Variants in KLF12 observed in about 807,000 individuals in gnomAD.
The protein encoded by KLF12 is Krueppel-like factor 12.
A neutral mutation model predicts 37.8 loss-of-function variants in KLF12; 9 were observed. The observed-to-expected ratio is 0.24, with a 90% CI of 0.14 to 0.42. KLF12 has a LOEUF of 0.42. Among genes scored for constraint, KLF12 ranks in the 10% least tolerant of loss-of-function variants. The probability of loss-of-function intolerance (pLI) is 1.00; values close to 1 mark genes in which losing one functional copy is unlikely to be tolerated. For synonymous variants in KLF12, 208 were observed against 202.1 expected (o/e 1.03, Z -0.25); for missense variants, 411 against 516.0 (o/e 0.80, Z 1.97).
intron 6 of KLF12, among the ~76,000 whole-genome samples, chr13:73,753,665 TAAAA>T (rs68139735): frequency 7.1e-6 from 1 of 141,780 alleles, no homozygotes. Context: ...CTACCAAGTG[TAAAA>T]AAAAAAAAAA....
At chr13:73,942,559 A>G (rs1365649012) in intron 3 of KLF12, among the ~76,000 whole-genome samples, 2 of 152,210 alleles carry the variant, frequency 1.3e-5, no homozygotes, top group South Asian at 2.1e-4. Context: ...GGTATATACA[A>G]TTTAACTTAG....
At chr13:73,747,690 G>C (rs949465014) in intron 6 of KLF12, among the ~76,000 whole-genome samples, 2 of 152,078 alleles carry the variant, frequency 1.3e-5, no homozygotes, top group African/African-American at 4.8e-5. Context: ...TAATCCTCAT[G>C]ATAACCATGA....
At chr13:73,981,254 ATT>A (rs1316700503) in intron 2 of KLF12, among the ~76,000 whole-genome samples, 1 of 151,818 alleles carries the variant, frequency 6.6e-6, no homozygotes, top group Non-Finnish European at 1.5e-5. Flanking sequence ...CAATCCAGCA[ATT>A]CTACTTCTGG....
chr13:74,146,765 C>T, the KLF12 span, among the ~76,000 whole-genome samples: 4 of 152,172 alleles, frequency 2.6e-5, no homozygotes, highest in Non-Finnish European at 5.9e-5. Context: ...ATTTAACCCT[C>T]ATGATAGCCA....
chr13:74,140,454 G>A, the KLF12 span, among the ~76,000 whole-genome samples: 4 of 152,170 alleles, frequency 2.6e-5, no homozygotes, highest in Non-Finnish European at 5.9e-5. Context: ...GGTGAGCTAA[G>A]ATCAGCTTAG....
chr13:73,727,797 A>G (rs1876773074), intron 6 of KLF12, among the ~76,000 whole-genome samples: 1 of 151,662 alleles, frequency 6.6e-6, no homozygotes, highest in Non-Finnish European at 1.5e-5. Context: ...TCCCGGGTTC[A>G]AGTGATTCTC....
chr13:73,918,427 T>C (rs1389000270), intron 3 of KLF12, among the ~76,000 whole-genome samples: 3 of 152,210 alleles, frequency 2.0e-5, no homozygotes, highest in African/African-American at 7.2e-5. Context: ...CAGTCCATGA[T>C]GTAGATGGAC....
At chr13:73,977,036 TAAG>T (rs988808219) in intron 2 of KLF12, among the ~76,000 whole-genome samples, 7 of 150,400 alleles carry the variant, frequency 4.7e-5, no homozygotes, top group African/African-American at 1.7e-4. Context: ...ATGTATACAA[TAAG>T]AAGACAACAT....
the KLF12 span, among the ~76,000 whole-genome samples, chr13:74,279,517 T>C: frequency 1.2e-5 from 1 of 83,604 alleles, no homozygotes; most frequent in Non-Finnish European, 2.3e-5. Flanking sequence ...GAAATTTTGT[T>C]CATTTTTTTT....
At chr13:74,196,548 C>T in the KLF12 span, among the ~76,000 whole-genome samples, 5 of 152,118 alleles carry the variant, frequency 3.3e-5, no homozygotes, top group South Asian at 2.1e-4. Context: ...CTGTGTTCTA[C>T]CATCTTTTGG....
chr13:74,113,771 C>T (rs1877119312), intron 1 of KLF12, among the ~76,000 whole-genome samples: 1 of 152,112 alleles, frequency 6.6e-6, no homozygotes, highest in Non-Finnish European at 1.5e-5. Flanking sequence ...TTAAGAAACA[C>T]GTTATGTAAA....
the KLF12 span, among the ~76,000 whole-genome samples, chr13:74,273,873 G>A: frequency 6.6e-6 from 1 of 152,012 alleles, no homozygotes; most frequent in Non-Finnish European, 1.5e-5. Flanking sequence ...TTTCATTTGG[G>A]TAATAAAGAA....
Position 73,838,963 on chromosome 13 carries a change from T to C in KLF12, c.670+6864A>G, listed in dbSNP as rs77105154. On this transcript the variant is annotated intron_variant, in intron 4 of 7. Coordinates refer to ENST00000377669, the MANE Select transcript of KLF12 (RefSeq NM_007249.5). ...TGATGGTTTGAAAGCCACTGATCAATCACATCCTTGCTCAAGTCTCACTCC... is the reference window on the plus strand; with the variant it reads ...TGATGGTTTGAAAGCCACTGATCAACCACATCCTTGCTCAAGTCTCACTCC... Among the ~76,000 whole-genome samples the C allele has an allele frequency of 1.1e-3, 163 of 152,276 alleles. No homozygotes were observed. The East Asian group carries it at 0.028, about 26-fold the overall frequency.
intron 4 of KLF12, among the ~76,000 whole-genome samples, chr13:73,819,551 C>G (rs1020764372): frequency 6.7e-6 from 1 of 148,954 alleles, no homozygotes; most frequent in Non-Finnish European, 1.5e-5. Flanking sequence ...TGAACACCTA[C>G]GAGGTAGCAA....
rs563034179 is a variant in KLF12 at position 73,995,725 on chromosome 13, A to G, written c.-31-672T>C. Among the ~76,000 whole-genome samples the G allele has an allele frequency of 1.9e-3, 286 of 152,338 alleles. 1 individual carries two copies. The highest frequency in any genetic ancestry group is 3.5e-3 in the Admixed American group (54 of 15,312). ...TCCAGGACCATTAGGATATCACCAA[A>G]TCATTAAATATTATTGGGCTGGGGA... On this transcript the variant is annotated intron_variant, in intron 1 of 7. Transcript: ENST00000377669.
chr13:73,738,018 AACAAACACAC>A (rs1319046130), intron 6 of KLF12, among the ~76,000 whole-genome samples: 5 of 56,912 alleles, frequency 8.8e-5, no homozygotes, highest in East Asian at 4.0e-4. Context: ...CACTTCATTC[AACAAACACAC>A]ACACACACAC....
At chr13:73,731,084 A>G (rs915533452) in intron 6 of KLF12, among the ~76,000 whole-genome samples, 13 of 152,164 alleles carry the variant, frequency 8.5e-5, no homozygotes, top group African/African-American at 3.1e-4. Context: ...GAACCAAAGT[A>G]GTGTCTTTAA....
intron 2 of KLF12, among the ~76,000 whole-genome samples, chr13:73,959,280 A>G (rs1357541680): frequency 6.6e-6 from 1 of 152,090 alleles, no homozygotes; most frequent in Non-Finnish European, 1.5e-5. Flanking sequence ...TTGGCCAGTC[A>G]CAGCCGGCCT....
chr13:74,122,648 ATGAG>A (rs916907308), intron 1 of KLF12, among the ~76,000 whole-genome samples: 5 of 152,192 alleles, frequency 3.3e-5, no homozygotes, highest in Admixed American at 6.5e-5. Flanking sequence ...CCTCTAATAA[ATGAG>A]TGAGTAGACT....
Sources: allele counts gnomAD v4.1 joint callset (sites outside exome capture counted in the v4.1 genomes callset), GRCh38; gene constraint gnomAD v4.1.1; transcripts MANE v1.5; gene names NCBI Gene and HGNC (gene_info 2026-07-23, HGNC 2026-07-21).